The following SMG1 variants were observed in gnomAD, a reference collection of about 807,000 sequenced individuals.
SMG1 encodes the protein SMG1 nonsense mediated mRNA decay associated PI3K related kinase, also known as serine/threonine-protein kinase SMG1.
SMG1 carries 22 observed loss-of-function variants against 419.9 expected under a neutral mutation model. That is an observed-to-expected ratio of 0.05 (90% CI 0.04 to 0.07). SMG1 has a LOEUF of 0.07. Ranked by LOEUF, SMG1 falls within the 10% of genes least tolerant of loss-of-function variation. The pLI is 1.00. For missense variants in SMG1, 3,185 were observed against 4,342.0 expected, an observed-to-expected ratio of 0.73 and a Z score of 7.49; for synonymous variants, 1,538 against 1,553.5, an observed-to-expected ratio of 0.99 and a Z score of 0.23.
intron 12 of SMG1, among the ~76,000 whole-genome samples, chr16:18,876,896 A>C (rs1188576051): frequency 6.6e-6 from 1 of 152,014 alleles, no homozygotes; most frequent in East Asian, 1.9e-4. Flanking sequence ...TTTATAATAA[A>C]TTTAATAACA....
Position 18,839,833 on chromosome 16 carries a change from C to A in SMG1, c.6810G>T (p.Val2270=). 6.2e-7 allele frequency: 1 copy of A among 1,613,978 alleles called. No homozygotes were observed. Among genetic ancestry groups the A allele is most frequent in the Non-Finnish European group, 8.5e-7 (1 of 1,179,876 alleles). Residue 2270 remains valine, a synonymous_variant, in exon 42 of 63, where the codon GTG becomes GTT. Transcript: ENST00000446231. ...ALKTVGLSLD[V]SRRDWPLHVM... ...CATGAAGAGGCCAATCCCGACGGGA[C>A]ACATCCAGGCTAAGCCCAACTGTTT...
At position 18,839,862 on chromosome 16, in the gene SMG1, A is replaced by C; in HGVS notation, c.6781T>G (p.Leu2261Val). The C allele has an allele frequency of 6.2e-7, 1 of 1,613,358 alleles. No homozygotes were observed. Among genetic ancestry groups the C allele is most frequent in the Non-Finnish European group, 8.5e-7 (1 of 1,179,568 alleles). ...ELYYSKIGPALKTVGLSLDVS... is the reference protein window; with the variant it reads ...ELYYSKIGPAVKTVGLSLDVS... ...TCCAGGCTAAGCCCAACTGTTTTCA[A>C]AGCAGGGCCAATTTTACTGTAATAA... Residue 2261 changes from leucine (L) to valine (V), a missense_variant, in exon 42 of 63, where the codon TTG becomes GTG. Physicochemically the swap from Leu to Val is conservative, Grantham distance 32. Around this residue, in one of 27 missense-constraint regions of SMG1, gnomAD observed 132 missense variants for 151.0 expected, o/e 0.87. Coordinates refer to ENST00000446231, the MANE Select transcript of SMG1 (RefSeq NM_015092.5).
intron 8 of SMG1, among the ~76,000 whole-genome samples, chr16:18,884,553 G>T (rs1281076239): frequency 2.0e-5 from 3 of 151,976 alleles, no homozygotes; most frequent in African/African-American, 7.3e-5. Context: ...AATGAAACAG[G>T]CCACTATCAC....
chr16:18,821,090 T>C (rs964839727), intron 55 of SMG1, among the ~76,000 whole-genome samples: 4 of 152,146 alleles, frequency 2.6e-5, no homozygotes, highest in Admixed American at 6.5e-5. Flanking sequence ...ATAAACAAAA[T>C]AGAACTACTT....
chr16:18,854,361 T>C (rs947258537), intron 30 of SMG1, among the ~76,000 whole-genome samples: 2 of 152,106 alleles, frequency 1.3e-5, no homozygotes, highest in African/African-American at 4.8e-5. Flanking sequence ...GTGCTCAGAT[T>C]GTAAGCATAA....
At chr16:18,847,303 T>C in intron 38 of SMG1, 150 bp downstream of exon 38, 1 of 766,712 alleles carries the variant, frequency 1.3e-6, no homozygotes, top group Non-Finnish European at 2.1e-6. Flanking sequence ...GTTCTGGAAA[T>C]GGACCGTGGT....
chr16:18,835,225 T>A, intron 48 of SMG1, 61 bp from the exon 49 acceptor site: 1 of 1,487,252 alleles, frequency 6.7e-7, no homozygotes, highest in East Asian at 2.3e-5. Flanking sequence ...TACAAAAGAA[T>A]ATTGCATTTA....
chr16:18,864,641 G>A (rs929948860), intron 23 of SMG1, among the ~76,000 whole-genome samples: 11 of 151,890 alleles, frequency 7.2e-5, no homozygotes, highest in East Asian at 1.9e-4. Context: ...GACTATAGGC[G>A]CCCACCACCA....
rs200502323 is a variant in SMG1, at chr16:18,833,107, T to C, written c.8625A>G (p.Lys2875=). ...GCATACTTTCTAACGTGTATTCCCC[T>C]TTCATTAAACATCGAAGTGCTTCTG... ...IFPEALRCLM[K]GEYTLESMLH... The change falls in exon 51 of 63, where the codon AAA becomes AAG. Residue 2875 remains lysine, a synonymous_variant. Coordinates refer to ENST00000446231, the MANE Select transcript of SMG1 (RefSeq NM_015092.5). The C allele has an allele frequency of 3.1e-6, 5 of 1,614,014 alleles. No homozygotes were observed. The East Asian group carries it at 1.1e-4, about 36-fold the overall frequency.
chr16:18,910,232 A>ATTT (rs34246490), intron 1 of SMG1, among the ~76,000 whole-genome samples: 6,177 of 136,462 alleles, frequency 0.045, 161 homozygotes, highest in Non-Finnish European at 0.066. Flanking sequence ...ATGCCCAGCT[A>ATTT]TTTTTTTTTT....
At chr16:18,911,164 T>C (rs2037777730) in intron 1 of SMG1, among the ~76,000 whole-genome samples, 1 of 152,210 alleles carries the variant, frequency 6.6e-6, no homozygotes, top group African/African-American at 2.4e-5. Flanking sequence ...AATTTCTTAT[T>C]GTTCAACTTG....
At chr16:18,887,516 C>CTTCGTTTTTT (rs2036664058) in intron 6 of SMG1, among the ~76,000 whole-genome samples, 2 of 110,140 alleles carry the variant, frequency 1.8e-5, no homozygotes, top group Admixed American at 1.1e-4. Flanking sequence ...TTTTTTTTTC[C>CTTCGTTTTTT]TTTTTTTTTT....
At chr16:18,837,593 G>A (rs2033656567) in intron 45 of SMG1, 150 bp from the exon 46 acceptor site, 2 of 659,076 alleles carry the variant, frequency 3.0e-6, no homozygotes, top group Admixed American at 3.0e-5. Flanking sequence ...AACAACTAAT[G>A]CGTTCAAGTT....
intron 10 of SMG1, among the ~76,000 whole-genome samples, chr16:18,880,311 CT>C (rs2036324548): frequency 1.3e-5 from 2 of 152,068 alleles, no homozygotes; most frequent in African/African-American, 4.8e-5. Flanking sequence ...TACTAAATTT[CT>C]AATAAAATAG....
chr16:18,853,695 T>C lies in SMG1; in HGVS notation c.4656A>G (p.Gln1552=), dbSNP rs775872587. The change falls in exon 31 of 63, where the codon CAA becomes CAG. Residue 1552 remains glutamine, a synonymous_variant. Coordinates refer to ENST00000446231, the MANE Select transcript of SMG1 (RefSeq NM_015092.5). ...QLKQVYRAQH[Q]QNFTGLSTLS... Reference sequence around the variant, plus strand: ...AAGTAGAAAGACCTGTGAAGTTCTGTTGGTGCTGAGCTCTGTAAACCTGTT... The same window carrying C: ...AAGTAGAAAGACCTGTGAAGTTCTGCTGGTGCTGAGCTCTGTAAACCTGTT... 2.5e-6 allele frequency: 4 copies of C among 1,613,854 alleles called. No individual in the cohort carries two copies. The highest frequency in any genetic ancestry group is 1.1e-5 in the South Asian group (1 of 91,024).
At chr16:18,854,958 T>G in intron 29 of SMG1, 54 bp from the exon 30 acceptor site, 1 of 1,546,546 alleles carries the variant, frequency 6.5e-7, no homozygotes, top group Non-Finnish European at 8.7e-7. Context: ...CCAGACTGCA[T>G]GGAAACATGG....
At position 18,817,540 on chromosome 16, in the gene SMG1, A is replaced by C. The variant is rs894960676; in HGVS notation, c.9895-70T>G. On this transcript the variant is annotated intron_variant, in intron 56 of 62. Transcript: ENST00000446231. The stretch of plus-strand genomic sequence containing the variant: ...TGGGAAAGGGAGGTGGCAATTAATA[A>C]CATGAAAAAATACTACTTCCTCATT... 8 of 1,260,006 alleles carry C rather than the reference A, an allele frequency of 6.3e-6. No individual in the cohort carries two copies. In the African/African-American group the frequency reaches 1.1e-4, roughly 17 times the overall value. 78.1% of individuals were successfully genotyped at this position (1,260,006 alleles called of 1,614,324 possible).
chr16:18,810,146 G>A (rs2031245748), intron 62 of SMG1, among the ~76,000 whole-genome samples: 1 of 151,964 alleles, frequency 6.6e-6, no homozygotes. Flanking sequence ...TATCCCACAG[G>A]AAAAAAATGT....
intron 29 of SMG1, among the ~76,000 whole-genome samples, chr16:18,855,913 A>G (rs1279784740): frequency 2.6e-5 from 4 of 152,234 alleles, no homozygotes; most frequent in South Asian, 4.1e-4. Context: ...TCCTGAATTC[A>G]GCTTGTTACT....
Sources: gnomAD v4.1 joint callset for allele counts (sites outside exome capture counted in the v4.1 genomes callset) on GRCh38, gnomAD v4.1.1 for gene constraint, gnomAD v4.1.1 regional missense constraint, MANE v1.5 for transcripts, NCBI Gene and HGNC (gene_info 2026-07-23, HGNC 2026-07-21) for gene names.